The following PCYT1A variants were observed in gnomAD, a reference collection of about 807,000 sequenced individuals.
The protein encoded by PCYT1A is phosphate cytidylyltransferase 1A, choline, also known as choline-phosphate cytidylyltransferase A.
In PCYT1A, 25 loss-of-function variants were observed where a neutral mutation model predicts 43.7. That is an observed-to-expected ratio of 0.57 (90% CI 0.42 to 0.80). The LOEUF (loss-of-function observed/expected upper bound fraction) is 0.80, where lower values mean the gene tolerates loss of function less well. Among genes scored for constraint, PCYT1A ranks in the 30% least tolerant of loss-of-function variants. The probability of loss-of-function intolerance (pLI) is 0.00; values close to 1 mark genes in which losing one functional copy is unlikely to be tolerated. For synonymous variants in PCYT1A, 172 were observed against 170.7 expected (o/e 1.01, Z -0.06); for missense variants, 421 against 474.2 (o/e 0.89, Z 1.04).
In PCYT1A at chr3:196,235,660, C is replaced by T. The variant is rs1161290303; in HGVS notation, c.*3028G>A. ...CTCTGGCCTTCTAATGTCTCACACA[C>T]AGAGGCTCTGCTCTAAGGCCAACAC... On this transcript the variant is annotated 3_prime_UTR_variant, in exon 9 of 9. Coordinates refer to ENST00000431016, the MANE Select transcript of PCYT1A (RefSeq NM_001312673.2). This position sits in a 1 kb window ranked among gnomAD's most constrained non-coding sequence, Gnocchi z 4.3. 2 of 152,300 alleles carry T rather than the reference C, an allele frequency of 1.3e-5. No individual in the cohort carries two copies. The highest frequency in any genetic ancestry group is 2.9e-5 in the Non-Finnish European group (2 of 68,086). 9.4% of individuals were successfully genotyped at this position (152,300 alleles called of 1,614,324 possible).
At chr3:196,270,984 A>G (rs972292118) in intron 1 of PCYT1A, among the ~76,000 whole-genome samples, 10 of 152,174 alleles carry the variant, frequency 6.6e-5, no homozygotes, top group African/African-American at 2.4e-4. Context: ...TTGTAAACGG[A>G]TGGCTCTCAC....
chr3:196,243,803 C>T (rs918229091), intron 5 of PCYT1A, among the ~76,000 whole-genome samples: 2 of 152,276 alleles, frequency 1.3e-5, no homozygotes, highest in East Asian at 1.9e-4. Context: ...CCCGAGGTGC[C>T]GGGATTGCAG....
rs923794983 is a variant in PCYT1A at position 196,242,734 on chromosome 3, G to A, written c.487-94C>T. 2 of 831,788 alleles carry A rather than the reference G, an allele frequency of 2.4e-6. No homozygotes were observed. Among genetic ancestry groups the A allele is most frequent in the African/African-American group, 3.3e-5 (2 of 59,986 alleles). 51.5% of individuals were successfully genotyped at this position (831,788 alleles called of 1,614,324 possible). ...AGGCCCAGAAAAAGGACAATAGGCA[G>A]AGGCCAGGCCTCAGTGGACTTCATA... is the stretch of plus-strand genomic sequence containing the variant. On this transcript the variant is annotated intron_variant, in intron 5 of 8. Transcript: ENST00000431016. The surrounding 1 kb of genome is among the most constrained non-coding windows in gnomAD (Gnocchi z 4.2).
chr3:196,278,479 T>C (rs1725656749), intron 1 of PCYT1A, among the ~76,000 whole-genome samples: 1 of 152,066 alleles, frequency 6.6e-6, no homozygotes, highest in African/African-American at 2.4e-5. Flanking sequence ...GACTGGGAAA[T>C]GATCGCGCCT....
intron 8 of PCYT1A, among the ~76,000 whole-genome samples, chr3:196,239,148 G>A (rs1724274129): frequency 6.6e-6 from 1 of 152,154 alleles, no homozygotes; most frequent in South Asian, 2.1e-4. Context: ...TTATTTGGTT[G>A]AAAAGACTGC....
intron 3 of PCYT1A, among the ~76,000 whole-genome samples, chr3:196,256,277 G>A (rs1402767457): frequency 2.6e-5 from 4 of 152,300 alleles, no homozygotes; most frequent in African/African-American, 9.6e-5. Context: ...GGATCACGAG[G>A]TCAGGAGTTC....
At chr3:196,248,833 T>A (rs1724657482) in intron 3 of PCYT1A, among the ~76,000 whole-genome samples, 1 of 151,748 alleles carries the variant, frequency 6.6e-6, no homozygotes. Context: ...CTCGGCTCAC[T>A]ACAACCTGCA....
intron 3 of PCYT1A, 97 bp from the exon 4 acceptor site, chr3:196,248,420 G>A (rs1724638545): frequency 3.0e-6 from 2 of 657,842 alleles, no homozygotes; most frequent in South Asian, 1.6e-5. Flanking sequence ...CACCCAGGCT[G>A]GAGTGCAGTG....
At position 196,268,152 on chromosome 3, in the gene PCYT1A, A is replaced by G. The variant is rs544269497; in HGVS notation, c.117+2263T>C. On this transcript the variant is annotated intron_variant, in intron 2 of 8. Coordinates refer to ENST00000431016, the MANE Select transcript of PCYT1A (RefSeq NM_001312673.2). The surrounding 1 kb of genome is among the most constrained non-coding windows in gnomAD (Gnocchi z 4.4). ...AAAAAAAAAAAGATTCCCAGAGTCT[A>G]AAGACCAAGAAATTTAAGTTTTCTC... Among the ~76,000 whole-genome samples, 123 of 152,322 alleles carry G rather than the reference A, an allele frequency of 8.1e-4. 3 individuals are homozygous for G. In the South Asian group the frequency reaches 0.024, roughly 29 times the overall value.
intron 3 of PCYT1A, among the ~76,000 whole-genome samples, chr3:196,250,228 G>A (rs574165189): frequency 6.8e-6 from 1 of 146,946 alleles, no homozygotes; most frequent in African/African-American, 2.5e-5. Context: ...ACCATGCCGA[G>A]GCTGAGGACC....
intron 1 of PCYT1A, among the ~76,000 whole-genome samples, chr3:196,279,058 C>T (rs1234706063): frequency 3.3e-5 from 5 of 149,624 alleles, no homozygotes; most frequent in African/African-American, 1.2e-4. Context: ...GAGGCCAAGG[C>T]GGGAGGATCA....
At chr3:196,278,623 T>G (rs992450764) in intron 1 of PCYT1A, among the ~76,000 whole-genome samples, 2 of 152,150 alleles carry the variant, frequency 1.3e-5, no homozygotes, top group Non-Finnish European at 2.9e-5. Context: ...AGAGCCCTAC[T>G]AGGATGGGCC....
intron 2 of PCYT1A, among the ~76,000 whole-genome samples, chr3:196,263,287 C>T (rs1054159925): frequency 1.3e-5 from 2 of 152,138 alleles, no homozygotes; most frequent in Non-Finnish European, 2.9e-5. Context: ...CGATCCATAC[C>T]TCACTATAAC....
At chr3:196,280,580 T>A (rs1725742522) in intron 1 of PCYT1A, among the ~76,000 whole-genome samples, 1 of 148,382 alleles carries the variant, frequency 6.7e-6, no homozygotes, top group African/African-American at 2.5e-5. Flanking sequence ...GTTTTTTTTT[T>A]TTTTTTTTTC....
At chr3:196,270,384 C>T in intron 2 of PCYT1A, 31 bp downstream of exon 2, 1 of 1,345,724 alleles carries the variant, frequency 7.4e-7, no homozygotes, top group Non-Finnish European at 1.1e-6. Flanking sequence ...TCGGTTTCTA[C>T]CCTCCCCCTG....
At chr3:196,250,707 C>T (rs1724738752) in intron 3 of PCYT1A, 1 of 166,940 alleles carries the variant, frequency 6.0e-6, no homozygotes, top group Non-Finnish European at 1.3e-5. Flanking sequence ...ATCAGATACA[C>T]TATGCTGAGG....
At chr3:196,287,204 C>T (rs1481222404) in intron 1 of PCYT1A, 3 of 152,606 alleles carry the variant, frequency 2.0e-5, no homozygotes, top group African/African-American at 7.2e-5. Flanking sequence ...GGATGCCATC[C>T]TCTTCTCCAA....
rs1724390729 is a variant in PCYT1A, at chr3:196,242,513, C to T, written c.565+49G>A. ...GTAAAGCAGCAACATGGCTGAACAT[C>T]TGCAGCTGCCCTGAGATCCCCTACA... On this transcript the variant is annotated intron_variant, in intron 6 of 8. Coordinates refer to ENST00000431016, the MANE Select transcript of PCYT1A (RefSeq NM_001312673.2). The surrounding 1 kb of genome is among the most constrained non-coding windows in gnomAD (Gnocchi z 4.2). 8.3e-7 allele frequency: 1 copy of T among 1,202,694 alleles called. No individual in the cohort carries two copies. The highest frequency in any genetic ancestry group is 1.7e-5 in the Admixed American group (1 of 59,518). 74.5% of individuals were successfully genotyped at this position (1,202,694 alleles called of 1,614,324 possible). A position where few individuals can be genotyped will look rare whatever the true frequency, so the allele number is the denominator to read the frequency against.
chr3:196,247,990 G>A lies in PCYT1A; in HGVS notation c.334+217C>T. The A allele has an allele frequency of 1.8e-6, 1 of 561,820 alleles. No homozygotes were observed. The allele number at this position is 561,820 out of a possible 1,614,324, so 34.8% of individuals were successfully genotyped here. A position where few individuals can be genotyped will look rare whatever the true frequency, so the allele number is the denominator to read the frequency against. ...TGTGACCACAGAAACTCAGCTACAA[G>A]CAGTGAATAAATGCCAGATGGCACA... On this transcript the variant is annotated intron_variant, in intron 4 of 8. Coordinates refer to ENST00000431016, the MANE Select transcript of PCYT1A (RefSeq NM_001312673.2). This position sits in a 1 kb window ranked among gnomAD's most constrained non-coding sequence, Gnocchi z 4.8.
Sources: allele counts gnomAD v4.1 joint callset (sites outside exome capture counted in the v4.1 genomes callset), GRCh38; gene constraint gnomAD v4.1.1; non-coding constraint Gnocchi (gnomAD v3.1); transcripts MANE v1.5; gene names NCBI Gene and HGNC (gene_info 2026-07-23, HGNC 2026-07-21).